The following RGS1 variants were observed in gnomAD, a reference collection of about 807,000 sequenced individuals.
The protein encoded by RGS1 is regulator of G protein signaling 1.
Under a neutral mutation model 22.2 loss-of-function variants are expected in RGS1, and 11 were observed. The ratio of observed to expected loss-of-function variants is 0.50; its 90% CI spans 0.31 to 0.82. The LOEUF (loss-of-function observed/expected upper bound fraction) is 0.82, where lower values mean the gene tolerates loss of function less well. RGS1 is among the 40% of genes least tolerant of loss of function. The pLI is 0.04. For synonymous variants in RGS1, 81 were observed against 79.9 expected (o/e 1.01, Z -0.07); for missense variants, 255 against 245.8 (o/e 1.04, Z -0.25).
chr1:192,576,560 C>G, intron 2 of RGS1, 195 bp downstream of exon 2: 1 of 631,492 alleles, frequency 1.6e-6, no homozygotes, highest in Non-Finnish European at 2.7e-6. Context: ...TGGACTTTAT[C>G]TATTTGGATT....
chr1:192,575,935 T>A lies in RGS1; in HGVS notation c.137+6T>A. On this transcript the variant is annotated splice_donor_region_variant and intron_variant, in intron 1 of 4. Coordinates refer to ENST00000367459, the MANE Select transcript of RGS1 (RefSeq NM_002922.4). ...AAAAGGAGGCCAAAGACTTTGTAAG[T>A]TTGTTCAGAGTCTCACTTTGTGAAT... The A allele has an allele frequency of 1.2e-6, 2 of 1,612,606 alleles. No homozygotes were observed. Among genetic ancestry groups the A allele is most frequent in the East Asian group, 2.2e-5 (1 of 44,800 alleles).
intron 3 of RGS1, 29 bp from the exon 4 acceptor site, chr1:192,578,193 C>A: frequency 6.3e-7 from 1 of 1,575,562 alleles, no homozygotes; most frequent in Non-Finnish European, 8.6e-7. Flanking sequence ...ATTTAATTAT[C>A]TCCCCACCCA....
intron 1 of RGS1, 148 bp from the exon 2 acceptor site, chr1:192,576,137 C>A: frequency 1.1e-6 from 1 of 888,040 alleles, no homozygotes; most frequent in Non-Finnish European, 1.7e-6. Context: ...TTTCTCTACA[C>A]AGGCTCATAA....
intron 3 of RGS1, chr1:192,577,205 A>G (rs1469039009): frequency 5.5e-6 from 1 of 181,162 alleles, no homozygotes; most frequent in Non-Finnish European, 1.1e-5. Flanking sequence ...TGGATGTAAC[A>G]AGTATGATTC....
At chr1:192,576,503 C>G (rs1420528256) in intron 2 of RGS1, 138 bp downstream of exon 2, 2 of 654,856 alleles carry the variant, frequency 3.1e-6, no homozygotes, top group Non-Finnish European at 5.3e-6. Flanking sequence ...TAAAATTAGA[C>G]TATCAGTACC....
At chr1:192,577,398 T>G (rs1443685372) in intron 3 of RGS1, 1 of 152,030 alleles carries the variant, frequency 6.6e-6, no homozygotes, top group East Asian at 1.9e-4. Context: ...ATGACATAAA[T>G]ATGATAGAAG....
Position 192,578,207 on chromosome 1 carries a change from C to G in RGS1, c.281-15C>G. 6.3e-7 allele frequency: 1 copy of G among 1,597,696 alleles called. No individual in the cohort carries two copies. Among genetic ancestry groups the G allele is most frequent in the Non-Finnish European group, 8.5e-7 (1 of 1,172,832 alleles). On this transcript the variant is annotated splice_polypyrimidine_tract_variant and intron_variant, in intron 3 of 4. Coordinates refer to ENST00000367459, the MANE Select transcript of RGS1 (RefSeq NM_002922.4). ...AATTTAATTATCTCCCCACCCACCC[C>G]TCGTTTCTTTTTAGCTGGTCAAAAT...
chr1:192,575,900 CA>C lies in RGS1; in HGVS notation c.112del (p.Met38CysfsTer13). On this transcript the variant is annotated frameshift_variant, in exon 1 of 5. Coordinates refer to ENST00000367459, the MANE Select transcript of RGS1 (RefSeq NM_002922.4). LOFTEE classifies it high-confidence loss of function. Reference sequence around the variant, plus strand: ...GAACCACTCATTCACTTCTAGACGACAAAATGCAAAAAAGGAGGCCAAAGAC... The same window carrying C: ...GAACCACTCATTCACTTCTAGACGACAAATGCAAAAAAGGAGGCCAAAGAC... Reference protein sequence around the residue: ...KGTTHSLLDDKMQKRRPKTFG... With the variant: ...KGTTHSLLDDXMQKRRPKTFG... The C allele has an allele frequency of 6.2e-7, 1 of 1,612,210 alleles. No individual in the cohort carries two copies. Among genetic ancestry groups the C allele is most frequent in the Non-Finnish European group, 8.5e-7 (1 of 1,179,054 alleles).
chr1:192,575,971 T>G, intron 1 of RGS1, 42 bp downstream of exon 1: 3 of 1,605,102 alleles, frequency 1.9e-6, no homozygotes, highest in Middle Eastern at 1.7e-4. Flanking sequence ...TTTAACAAGT[T>G]ATCTTTAATG....
intron 1 of RGS1, 164 bp from the exon 2 acceptor site, chr1:192,576,121 G>C: frequency 1.1e-6 from 1 of 885,610 alleles, no homozygotes; most frequent in South Asian, 1.8e-5. Flanking sequence ...AAATTGGGTA[G>C]GAGTTTTTCT....
rs1326882765 is a variant in RGS1, at chr1:192,579,233, C to A, written c.541C>A (p.Leu181Ile). The A allele has an allele frequency of 1.2e-6, 2 of 1,613,100 alleles. No individual in the cohort carries two copies. The highest frequency in any genetic ancestry group is 2.7e-5 in the African/African-American group (2 of 74,848). Residue 181 changes from leucine to isoleucine, a missense_variant, in exon 5 of 5, where the codon CTT (leucine) becomes ATT (isoleucine). Coordinates refer to ENST00000367459, the MANE Select transcript of RGS1 (RefSeq NM_002922.4). ...FDEAQKVIYT[L>I]MEKDSYPRFL... ...TGAAGCACAAAAAGTCATATATACT[C>A]TTATGGAAAAGGACTCTTATCCCAG... is the stretch of plus-strand genomic sequence containing the variant.
At chr1:192,578,841 C>A (rs1390534590) in intron 4 of RGS1, 2 of 385,182 alleles carry the variant, frequency 5.2e-6, no homozygotes, top group African/African-American at 2.1e-5. Flanking sequence ...TAAATGCCTA[C>A]ATCACTCTTT....
chr1:192,579,327 T>TC lies in RGS1; in HGVS notation c.*8dup. 1 of 1,611,748 alleles carries TC rather than the reference T, an allele frequency of 6.2e-7. No homozygotes were observed. The highest frequency in any genetic ancestry group is 8.5e-7 in the Non-Finnish European group (1 of 1,178,786). On this transcript the variant is annotated 3_prime_UTR_variant, in exon 5 of 5. Coordinates refer to ENST00000367459, the MANE Select transcript of RGS1 (RefSeq NM_002922.4). ...CAGGCTAATAGCCTAAAGTGACTGG[T>TC]CCCTGGCTGAAGGGAATTAACAGAT...
intron 2 of RGS1, 200 bp from the exon 3 acceptor site, chr1:192,576,574 T>A (rs1394316701): frequency 1.5e-6 from 1 of 657,592 alleles, no homozygotes; most frequent in Non-Finnish European, 2.5e-6. Context: ...TTGGATTTTT[T>A]CAAATTTTAT....
intron 3 of RGS1, 25 bp downstream of exon 3, chr1:192,576,860 T>C (rs770851828): frequency 1.1e-5 from 17 of 1,594,654 alleles, no homozygotes; most frequent in Non-Finnish European, 1.5e-5. Context: ...TGAATGTTTC[T>C]GGGTTCAGCT....
rs757276012 is a variant in RGS1, at chr1:192,579,283, A to C, written c.591A>C (p.Leu197Phe). The change falls in exon 5 of 5, where the codon TTA becomes TTC. Residue 197 changes from leucine to phenylalanine, a missense_variant. Transcript: ENST00000367459. ...YPRFLKSDIYLNLLNDLQANS... is the reference protein window; with the variant it reads ...YPRFLKSDIYFNLLNDLQANS... ...GGTTCCTCAAATCAGATATTTACTT[A>C]AATCTTCTAAATGACCTGCAGGCTA... The C allele has an allele frequency of 3.1e-6, 5 of 1,613,004 alleles. No homozygotes were observed. The highest frequency in any genetic ancestry group is 3.4e-6 in the Non-Finnish European group (4 of 1,179,318).
At position 192,576,783 on chromosome 1, in the gene RGS1, T is replaced by G. The variant is rs1662068648; in HGVS notation, c.228T>G (p.Ala76=). ...KSSKSKDVLS[A]AEVMQWSQSL... The stretch of plus-strand genomic sequence containing the variant: ...ATTTTGTCCCCTGCAGACTTTCTGC[T>G]GCTGAAGTAATGCAATGGTCTCAAT... The change falls in exon 3 of 5, where the codon GCT becomes GCG. Residue 76 remains alanine (A), a synonymous_variant. Transcript: ENST00000367459. 3 of 1,611,852 alleles carry G rather than the reference T, an allele frequency of 1.9e-6. No homozygotes were observed. In the South Asian group the frequency reaches 3.3e-5, roughly 18 times the overall value.
chr1:192,576,887 T>C, intron 3 of RGS1, 52 bp downstream of exon 3: 1 of 1,468,412 alleles, frequency 6.8e-7, no homozygotes. Flanking sequence ...TCTAAAAAAT[T>C]GAATGGCTTC....
In RGS1 at chr1:192,578,250, A is replaced by G. The variant is rs769468717; in HGVS notation, c.309A>G (p.Leu103=). The part of the protein sequence containing the change: ...QTGQNVFGSF[L]KSEFSEENIE... ...GTCAAAATGTCTTTGGAAGTTTCCT[A>G]AAGTCTGAATTCAGTGAGGAGAATA... Residue 103 remains leucine (L), a synonymous_variant, in exon 4 of 5, where the codon CTA becomes CTG. Transcript: ENST00000367459. The G allele has an allele frequency of 6.2e-7, 1 of 1,612,336 alleles. No individual in the cohort carries two copies. The highest frequency in any genetic ancestry group is 8.5e-7 in the Non-Finnish European group (1 of 1,179,078).
Sources: gnomAD v4.1 joint callset for allele counts on GRCh38, gnomAD v4.1.1 for gene constraint, MANE v1.5 for transcripts, NCBI Gene and HGNC (gene_info 2026-07-23, HGNC 2026-07-21) for gene names.